The following RIC8B variants were observed in gnomAD, a reference collection of about 807,000 sequenced individuals.
RIC8B encodes RIC8 guanine nucleotide exchange factor B.
RIC8B carries 16 observed loss-of-function variants against 57.5 expected under a neutral mutation model. That is an observed-to-expected ratio of 0.28 (90% CI 0.19 to 0.42). The LOEUF (loss-of-function observed/expected upper bound fraction) is 0.42, where lower values mean the gene tolerates loss of function less well. Ranked by LOEUF, RIC8B falls within the 10% of genes least tolerant of loss-of-function variation. RIC8B has a pLI of 1.00. For missense variants in RIC8B, 481 were observed against 677.0 expected, an observed-to-expected ratio of 0.71 and a Z score of 3.21; for synonymous variants, 216 against 250.8, an observed-to-expected ratio of 0.86 and a Z score of 1.31.
intron 9 of RIC8B, chr12:106,874,392 T>G (rs538211957): frequency 2.0e-6 from 2 of 991,492 alleles, no homozygotes; most frequent in East Asian, 5.3e-5. Flanking sequence ...CTCCTGCACC[T>G]GAATTGAAAG....
intron 4 of RIC8B, among the ~76,000 whole-genome samples, chr12:106,839,655 G>C (rs1051035929): frequency 3.3e-5 from 5 of 152,218 alleles, no homozygotes; most frequent in African/African-American, 1.2e-4. Flanking sequence ...TGTATACTTA[G>C]AATGTTGCTA....
At chr12:106,829,945 C>A (rs543991208) in intron 4 of RIC8B, among the ~76,000 whole-genome samples, 1 of 152,286 alleles carries the variant, frequency 6.6e-6, no homozygotes, top group South Asian at 2.1e-4. Flanking sequence ...CTGATTAGTT[C>A]TCTCTTTCAT....
intron 4 of RIC8B, among the ~76,000 whole-genome samples, chr12:106,829,094 C>G (rs953682156): frequency 5.9e-5 from 9 of 152,208 alleles, no homozygotes; most frequent in African/African-American, 1.9e-4. Context: ...AGACCTTGAC[C>G]TTCATTTCCA....
In RIC8B at chr12:106,815,012, A is replaced by G. The variant is rs115692441; in HGVS notation, c.449A>G (p.Lys150Arg). 1.0e-3 allele frequency: 1,694 copies of G among 1,614,246 alleles called. 14 individuals are homozygous for G. In the African/African-American group the frequency reaches 0.018, roughly 17 times the overall value. ...LAAKLCNLLR[K>R]CKDRKFINDI... is the part of the protein sequence containing the mutation. The stretch of plus-strand genomic sequence containing the variant: ...GCAAAGCTCTGTAACCTCCTGAGAA[A>G]GTGCAAGGACCGGAAATTTATCAAT... Residue 150 changes from lysine (K) to arginine (R), a missense_variant, in exon 3 of 10, where the codon AAG becomes AGG. Lys to Arg is a conservative substitution (Grantham distance 26, BLOSUM62 2). Around this residue, in one of 3 missense-constraint regions of RIC8B, gnomAD observed 421 missense variants for 560.9 expected, o/e 0.75. Coordinates refer to ENST00000392837, the MANE Select transcript of RIC8B (RefSeq NM_001330145.2).
chr12:106,826,586 T>A (rs372452875), intron 4 of RIC8B, among the ~76,000 whole-genome samples: 1 of 151,852 alleles, frequency 6.6e-6, no homozygotes, highest in South Asian at 2.1e-4. Flanking sequence ...AAACCCCGTC[T>A]CCATTAAAAA....
At chr12:106,784,120 G>A (rs1222208726) in intron 2 of RIC8B, 76 bp downstream of exon 2, 3 of 1,282,736 alleles carry the variant, frequency 2.3e-6, no homozygotes, top group African/African-American at 1.5e-5. Flanking sequence ...CAGTGGTCAT[G>A]TTTTCATCTG....
intron 9 of RIC8B, among the ~76,000 whole-genome samples, chr12:106,882,505 A>G (rs1950991937): frequency 6.6e-6 from 1 of 152,052 alleles, no homozygotes; most frequent in Non-Finnish European, 1.5e-5. Flanking sequence ...TACTACCACT[A>G]CTTACATCTT....
chr12:106,799,937 G>T (rs183415813), intron 2 of RIC8B, among the ~76,000 whole-genome samples: 1 of 152,254 alleles, frequency 6.6e-6, no homozygotes, highest in African/African-American at 2.4e-5. Context: ...AGTTCTGAAG[G>T]CTGGGAAGTC....
intron 2 of RIC8B, among the ~76,000 whole-genome samples, chr12:106,786,420 A>G (rs1434249760): frequency 6.6e-6 from 1 of 152,130 alleles, no homozygotes; most frequent in African/African-American, 2.4e-5. Context: ...AAGTGTTGGG[A>G]TTACAGGCGT....
intron 2 of RIC8B, among the ~76,000 whole-genome samples, chr12:106,804,935 G>A (rs1395905192): frequency 6.6e-6 from 1 of 152,110 alleles, no homozygotes; most frequent in Non-Finnish European, 1.5e-5. Flanking sequence ...TCAGGGGTTG[G>A]GAAGACGTTT....
chr12:106,870,958 C>A lies in RIC8B; in HGVS notation c.1571+16C>A, dbSNP rs1593373937. The A allele has an allele frequency of 7.1e-6, 11 of 1,542,818 alleles. No individual in the cohort carries two copies. The East Asian group carries it at 2.7e-4, about 38-fold the overall frequency. ...AACTTTCCAGGTATTGTATTCCCAT[C>A]CATTTTTTGCTTGGTTTCTAAAAAT... is the stretch of plus-strand genomic sequence containing the variant. On this transcript the variant is annotated intron_variant, in intron 9 of 9. Transcript: ENST00000392837.
At chr12:106,836,423 A>T (rs1009157387) in intron 4 of RIC8B, among the ~76,000 whole-genome samples, 4 of 152,172 alleles carry the variant, frequency 2.6e-5, no homozygotes, top group Non-Finnish European at 5.9e-5. Context: ...CTTGGATGTC[A>T]ACTAGACACC....
At chr12:106,877,582 T>C (rs2136645649) in intron 9 of RIC8B, among the ~76,000 whole-genome samples, 1 of 152,276 alleles carries the variant, frequency 6.6e-6, no homozygotes, top group South Asian at 2.1e-4. Context: ...AGGGAACAAG[T>C]AAAATTTCTA....
intron 2 of RIC8B, among the ~76,000 whole-genome samples, chr12:106,786,384 C>T (rs926008501): frequency 1.6e-4 from 25 of 151,912 alleles, no homozygotes; most frequent in African/African-American, 6.0e-4. Context: ...CTCCTGAGCT[C>T]GTGATCTGCC....
chr12:106,818,093 A>G (rs1382433386), intron 3 of RIC8B, among the ~76,000 whole-genome samples: 1 of 152,234 alleles, frequency 6.6e-6, no homozygotes, highest in Non-Finnish European at 1.5e-5. Flanking sequence ...TCATTGTATA[A>G]TATCAAGGAA....
At chr12:106,872,099 C>T (rs1390298848) in intron 9 of RIC8B, among the ~76,000 whole-genome samples, 2 of 152,168 alleles carry the variant, frequency 1.3e-5, no homozygotes, top group Non-Finnish European at 2.9e-5. Flanking sequence ...CATCCTTTCT[C>T]AAGGTTAGAA....
At chr12:106,881,445 G>A (rs1950930123) in intron 9 of RIC8B, among the ~76,000 whole-genome samples, 1 of 150,578 alleles carries the variant, frequency 6.6e-6, no homozygotes, top group Admixed American at 6.6e-5. Flanking sequence ...TTCTGCTTCT[G>A]GGATGCCTTT....
At chr12:106,882,617 A>C (rs1264930086) in intron 9 of RIC8B, among the ~76,000 whole-genome samples, 3 of 152,152 alleles carry the variant, frequency 2.0e-5, no homozygotes, top group Non-Finnish European at 2.9e-5. Flanking sequence ...TGGTAAGTGG[A>C]GGAGAACCAG....
chr12:106,789,675 G>A (rs1281619067), intron 2 of RIC8B, among the ~76,000 whole-genome samples: 1 of 152,060 alleles, frequency 6.6e-6, no homozygotes, highest in African/African-American at 2.4e-5. Flanking sequence ...CTCTCAGCAG[G>A]TGCCTCCCAC....
Sources: allele counts gnomAD v4.1 joint callset (sites outside exome capture counted in the v4.1 genomes callset), GRCh38; gene constraint gnomAD v4.1.1; regional missense constraint gnomAD v4.1.1; transcripts MANE v1.5; gene names NCBI Gene and HGNC (gene_info 2026-07-23, HGNC 2026-07-21).